The following GRIK1 variants were observed in gnomAD, a reference collection of about 807,000 sequenced individuals.
GRIK1 encodes glutamate ionotropic receptor kainate type subunit 1.
GRIK1 carries 69 observed loss-of-function variants against 105.7 expected under a neutral mutation model. The ratio of observed to expected loss-of-function variants is 0.65; its 90% CI spans 0.54 to 0.80. The LOEUF (loss-of-function observed/expected upper bound fraction) is 0.80. Ranked by LOEUF, GRIK1 falls within the 30% of genes least tolerant of loss-of-function variation. GRIK1 has a pLI of 0.00. For missense variants in GRIK1, 1,109 were observed against 1,167.3 expected, an observed-to-expected ratio of 0.95 and a Z score of 0.73; for synonymous variants, 438 against 431.3, an observed-to-expected ratio of 1.02 and a Z score of -0.19.
intron 1 of GRIK1, among the ~76,000 whole-genome samples, chr21:29,782,179 C>A (rs561148899): frequency 6.6e-6 from 1 of 151,172 alleles, no homozygotes. Context: ...CTCTGCCTCC[C>A]GGGTTCACGC....
Position 29,685,451 on chromosome 21 carries a change from G to GT in GRIK1, c.544+4276dup, listed in dbSNP as rs947518092. ...GCTAAGCAGAATAGGAGTTTTTTTT[G>GT]TTTTTTTTTAATGTTTTGCCACTGA... On this transcript the variant is annotated intron_variant, in intron 3 of 17. Transcript: ENST00000327783. Among the ~76,000 whole-genome samples the GT allele has an allele frequency of 2.2e-3, 334 of 149,260 alleles. 3 individuals carry two copies. Among genetic ancestry groups the GT allele is most frequent in the African/African-American group, 3.8e-3 (153 of 40,384 alleles).
chr21:29,591,030 T>A, intron 10 of GRIK1, 82 bp downstream of exon 10: 1 of 815,812 alleles, frequency 1.2e-6, no homozygotes. Flanking sequence ...AGCGTTGGCA[T>A]GAAAAAGACA....
chr21:29,643,078 G>C lies in GRIK1; in HGVS notation c.955-109C>G, dbSNP rs571428529. On this transcript the variant is annotated intron_variant, in intron 6 of 17. Transcript: ENST00000327783. ...TAGCTCTTATCTGTCTGATCTCAAA[G>C]GCCATTTACTCTTCAGCTAGGTAGT... The C allele has an allele frequency of 6.7e-6, 7 of 1,042,348 alleles. No homozygotes were observed. In the Admixed American group the frequency reaches 1.3e-4, roughly 20 times the overall value. 64.6% of individuals were successfully genotyped at this position (1,042,348 alleles called of 1,614,324 possible).
intron 15 of GRIK1, among the ~76,000 whole-genome samples, chr21:29,560,425 C>CT (rs551315393): frequency 7.8e-6 from 1 of 128,222 alleles, no homozygotes; most frequent in South Asian, 2.5e-4. Flanking sequence ...TTCTTTCTTT[C>CT]TTTCTTTCTT....
rs363603 is a variant in GRIK1 at position 29,695,963 on chromosome 21, A to G, written c.119-1900T>C. 8.9e-3 allele frequency among the ~76,000 whole-genome samples: 1,357 copies of G among 152,372 alleles called. 21 individuals are homozygous for G. Among genetic ancestry groups the G allele is most frequent in the African/African-American group, 0.031 (1,291 of 41,586 alleles). On this transcript the variant is annotated intron_variant, in intron 1 of 17. Transcript: ENST00000327783. Reference sequence around the variant, plus strand: ...ATCACAAATACGCATCATGCGCGTCATTTATGTGCATTTTTTGTTAGAAAG... The same window carrying G: ...ATCACAAATACGCATCATGCGCGTCGTTTATGTGCATTTTTTGTTAGAAAG...
At chr21:29,721,825 C>A (rs1188322299) in intron 1 of GRIK1, among the ~76,000 whole-genome samples, 4 of 152,078 alleles carry the variant, frequency 2.6e-5, no homozygotes, top group African/African-American at 4.8e-5. Context: ...TCCATCTACC[C>A]TTCAATAGCC....
intron 1 of GRIK1, among the ~76,000 whole-genome samples, chr21:29,716,315 A>T (rs2064175968): frequency 6.6e-6 from 1 of 152,156 alleles, no homozygotes; most frequent in South Asian, 2.1e-4. Context: ...GATATCCAAA[A>T]ATGTGGAAGC....
At chr21:29,911,294 A>G (rs2070805910) in intron 1 of GRIK1, among the ~76,000 whole-genome samples, 2 of 152,084 alleles carry the variant, frequency 1.3e-5, no homozygotes, top group Non-Finnish European at 2.9e-5. Flanking sequence ...TAGGGACAAA[A>G]TGTTTATTAC....
In GRIK1 at chr21:29,642,986, AC is replaced by A; in HGVS notation, c.955-18del. ...CGCTTCAGTCTGTGGAGGAAAACAC[AC>A]ACCGCATCTTAAATTCCACTTTTGC... On this transcript the variant is annotated intron_variant, in intron 6 of 17. Transcript: ENST00000327783. The A allele has an allele frequency of 6.2e-7, 1 of 1,608,432 alleles. No individual in the cohort carries two copies.
intron 14 of GRIK1, among the ~76,000 whole-genome samples, chr21:29,566,635 A>C (rs1037673536): frequency 6.6e-6 from 1 of 152,252 alleles, no homozygotes; most frequent in Admixed American, 6.5e-5. Flanking sequence ...GCAGGCATTA[A>C]AAATTACTTA....
chr21:29,804,427 G>T (rs1175798053), intron 1 of GRIK1, among the ~76,000 whole-genome samples: 1 of 151,858 alleles, frequency 6.6e-6, no homozygotes, highest in Non-Finnish European at 1.5e-5. Flanking sequence ...AATAGAGCAT[G>T]GTCCATTTTC....
At chr21:29,672,320 T>C (rs2063175014) in intron 4 of GRIK1, among the ~76,000 whole-genome samples, 1 of 152,136 alleles carries the variant, frequency 6.6e-6, no homozygotes, top group African/African-American at 2.4e-5. Context: ...GGCTTCCCAA[T>C]GAATTTACTT....
chr21:29,717,715 A>T (rs55681324), intron 1 of GRIK1, among the ~76,000 whole-genome samples: 8,919 of 152,302 alleles, frequency 0.059, 441 homozygotes, highest in African/African-American at 0.12. Context: ...GCCTTGTTTC[A>T]GATAAGACTT....
chr21:29,540,542 T>C (rs532550440), intron 16 of GRIK1, among the ~76,000 whole-genome samples: 5 of 152,186 alleles, frequency 3.3e-5, no homozygotes, highest in African/African-American at 1.2e-4. Context: ...GGAAATGAAA[T>C]TGTGAAGGTC....
intron 1 of GRIK1, among the ~76,000 whole-genome samples, chr21:29,770,029 C>T (rs148323672): frequency 6.6e-6 from 1 of 152,282 alleles, no homozygotes; most frequent in East Asian, 1.9e-4. Context: ...TATCTTTCAA[C>T]GTCCAGATAA....
rs2145829179 is a variant in GRIK1, at chr21:29,793,467, C to T, written c.119-99404G>A. Among the ~76,000 whole-genome samples the T allele has an allele frequency of 2.0e-5, 3 of 152,144 alleles. 1 individual carries two copies. The highest frequency in any genetic ancestry group is 7.2e-5 in the African/African-American group (3 of 41,506). ...ATGCTCTCTCTCTCTCTTTGTCTCTCTCTCCCACCCCCTACCCTGCCCCTT... is the reference window on the plus strand; with the variant it reads ...ATGCTCTCTCTCTCTCTTTGTCTCTTTCTCCCACCCCCTACCCTGCCCCTT... On this transcript the variant is annotated intron_variant, in intron 1 of 17. Transcript: ENST00000327783.
In GRIK1 at chr21:29,704,006, A is replaced by AG. The variant is rs2146780242; in HGVS notation, c.119-9944dup. ...CTTCAGAGGGTAGCTAGTAAGAGAA[A>AG]GGCCGTGGATTATGGGCAGTTTAGT... On this transcript the variant is annotated intron_variant, in intron 1 of 17. Transcript: ENST00000327783. Among the ~76,000 whole-genome samples, 3 of 152,362 alleles carry AG rather than the reference A, an allele frequency of 2.0e-5. No individual in the cohort carries two copies. In the South Asian group the frequency reaches 6.2e-4, roughly 32 times the overall value.
chr21:29,795,325 C>A (rs910697437), intron 1 of GRIK1, among the ~76,000 whole-genome samples: 2 of 152,018 alleles, frequency 1.3e-5, no homozygotes, highest in African/African-American at 4.8e-5. Flanking sequence ...CATGAGCCAC[C>A]GTGCCCAGTC....
At chr21:29,888,740 G>A (rs1435671750) in intron 1 of GRIK1, among the ~76,000 whole-genome samples, 1 of 152,196 alleles carries the variant, frequency 6.6e-6, no homozygotes, top group Non-Finnish European at 1.5e-5. Flanking sequence ...ATACACACTT[G>A]TAACAACAAT....
Sources: allele counts gnomAD v4.1 joint callset (sites outside exome capture counted in the v4.1 genomes callset), GRCh38; gene constraint gnomAD v4.1.1; transcripts MANE v1.5; gene names NCBI Gene and HGNC (gene_info 2026-07-23, HGNC 2026-07-21).